The following LRRC4C variants were observed in gnomAD, a reference collection of about 807,000 sequenced individuals.
LRRC4C encodes the protein leucine rich repeat containing 4C, also known as leucine-rich repeat-containing protein 4C.
LRRC4C carries 5 observed loss-of-function variants against 33.6 expected under a neutral mutation model. That is an observed-to-expected ratio of 0.15 (90% CI 0.08 to 0.31). LRRC4C has a LOEUF of 0.31. Ranked by LOEUF, LRRC4C falls within the 10% of genes least tolerant of loss-of-function variation. The pLI, the probability that LRRC4C is intolerant of heterozygous loss-of-function variation, is 1.00. For synonymous variants in LRRC4C, 329 were observed against 302.0 expected (o/e 1.09, Z -0.93); for missense variants, 560 against 796.7 (o/e 0.70, Z 3.58).
chr11:40,750,276 A>G (rs778776221), intron 2 of LRRC4C, among the ~76,000 whole-genome samples: 6 of 152,110 alleles, frequency 3.9e-5, no homozygotes, highest in Non-Finnish European at 8.8e-5. Flanking sequence ...TCTACCAACT[A>G]TATAATGAAA....
At chr11:40,496,109 C>T (rs558239553) in intron 3 of LRRC4C, among the ~76,000 whole-genome samples, 7 of 152,086 alleles carry the variant, frequency 4.6e-5, no homozygotes, top group Non-Finnish European at 8.8e-5. Flanking sequence ...GGATTACAGT[C>T]ATGAGCCACC....
intron 2 of LRRC4C, among the ~76,000 whole-genome samples, chr11:40,826,857 T>C (rs1952188899): frequency 6.6e-6 from 1 of 151,944 alleles, no homozygotes; most frequent in South Asian, 2.1e-4. Context: ...GAACAAGAGT[T>C]TCAAGAGGAT....
At position 40,385,394 on chromosome 11, in the gene LRRC4C, G is replaced by C. The variant is rs1232389368; in HGVS notation, c.-269-65673C>G. Reference sequence around the variant, plus strand: ...TTTTGAGTTCTATCTATCTAACTATGTGATCCTAAACATATGTCAAATGAT... The same window carrying C: ...TTTTGAGTTCTATCTATCTAACTATCTGATCCTAAACATATGTCAAATGAT... On this transcript the variant is annotated intron_variant, in intron 3 of 6. Transcript: ENST00000528697. Among the ~76,000 whole-genome samples the C allele has an allele frequency of 3.9e-5, 6 of 152,178 alleles. No homozygotes were observed. The East Asian group carries it at 1.2e-3, about 29-fold the overall frequency.
At chr11:40,421,265 C>G (rs892027364) in intron 3 of LRRC4C, among the ~76,000 whole-genome samples, 1 of 152,210 alleles carries the variant, frequency 6.6e-6, no homozygotes, top group Admixed American at 6.5e-5. Context: ...AAATAGCTTT[C>G]TCTCCAGGAG....
chr11:40,116,646 A>C (rs2134597095), intron 6 of LRRC4C, among the ~76,000 whole-genome samples: 1 of 152,302 alleles, frequency 6.6e-6, no homozygotes, highest in South Asian at 2.1e-4. Context: ...TACATACCCT[A>C]CCATTAGCTT....
At chr11:40,271,942 T>C (rs1238673986) in intron 4 of LRRC4C, among the ~76,000 whole-genome samples, 4 of 152,170 alleles carry the variant, frequency 2.6e-5, no homozygotes, top group Non-Finnish European at 5.9e-5. Flanking sequence ...ATAATTCCAG[T>C]CATACTACCA....
At chr11:41,001,099 A>C (rs550579188) in intron 1 of LRRC4C, among the ~76,000 whole-genome samples, 1 of 152,274 alleles carries the variant, frequency 6.6e-6, no homozygotes, top group African/African-American at 2.4e-5. Flanking sequence ...CCTGGTACAA[A>C]GGAGGTGCCC....
At chr11:41,276,927 C>T (rs1458618172) in intron 1 of LRRC4C, among the ~76,000 whole-genome samples, 2 of 152,116 alleles carry the variant, frequency 1.3e-5, no homozygotes, top group East Asian at 1.9e-4. Context: ...TAGTTATAGC[C>T]AAGTGAAATC....
intron 2 of LRRC4C, among the ~76,000 whole-genome samples, chr11:40,713,459 T>A (rs1219568717): frequency 6.6e-6 from 1 of 152,184 alleles, no homozygotes; most frequent in Non-Finnish European, 1.5e-5. Flanking sequence ...TGCAGACTAA[T>A]ATGTCAGGAT....
chr11:41,300,557 G>A (rs1565560908), intron 1 of LRRC4C, among the ~76,000 whole-genome samples: 1 of 152,130 alleles, frequency 6.6e-6, no homozygotes, highest in Admixed American at 6.5e-5. Context: ...CAATCTTTAT[G>A]AACAATTCCT....
intron 1 of LRRC4C, among the ~76,000 whole-genome samples, chr11:41,030,815 CAT>C (rs1040614253): frequency 7.9e-5 from 12 of 151,632 alleles, no homozygotes; most frequent in South Asian, 6.3e-4. Context: ...CATACACACA[CAT>C]ATATATATAC....
At chr11:41,248,121 T>C (rs191257445) in intron 1 of LRRC4C, among the ~76,000 whole-genome samples, 232 of 152,342 alleles carry the variant, frequency 1.5e-3, no homozygotes, top group African/African-American at 5.5e-3. Flanking sequence ...TAAATAAGCT[T>C]ATCTTCTTTA....
intron 3 of LRRC4C, among the ~76,000 whole-genome samples, chr11:40,556,252 TA>T (rs1957328654): frequency 6.6e-6 from 1 of 152,222 alleles, no homozygotes. Context: ...GTATATCCTA[TA>T]GGGGGTCTCT....
chr11:40,380,865 C>A (rs573463665), intron 3 of LRRC4C, among the ~76,000 whole-genome samples: 2 of 152,260 alleles, frequency 1.3e-5, no homozygotes, highest in South Asian at 4.1e-4. Flanking sequence ...TGTGTTCACA[C>A]ACACATAATT....
At chr11:41,144,656 C>A (rs1435845880) in intron 1 of LRRC4C, among the ~76,000 whole-genome samples, 1 of 152,090 alleles carries the variant, frequency 6.6e-6, no homozygotes, top group Non-Finnish European at 1.5e-5. Context: ...ACATGGCCAT[C>A]TTTTCATATT....
intron 1 of LRRC4C, among the ~76,000 whole-genome samples, chr11:40,937,791 G>A (rs1469697715): frequency 6.6e-6 from 1 of 151,960 alleles, no homozygotes; most frequent in Non-Finnish European, 1.5e-5. Context: ...AGAGGCACAT[G>A]CCACCATGCC....
chr11:41,401,910 C>A (rs955183987), intron 1 of LRRC4C, among the ~76,000 whole-genome samples: 1 of 151,938 alleles, frequency 6.6e-6, no homozygotes, highest in African/African-American at 2.4e-5. Context: ...TAATTCATTT[C>A]TTGTTGATTA....
At chr11:40,966,609 A>C (rs1364209737) in intron 1 of LRRC4C, among the ~76,000 whole-genome samples, 1 of 151,908 alleles carries the variant, frequency 6.6e-6, no homozygotes, top group South Asian at 2.1e-4. Flanking sequence ...CACCACCTTC[A>C]TCTGTGCACA....
Position 41,204,718 on chromosome 11 carries a change from C to CCTTT in LRRC4C, c.-496+254709_-496+254712dup, listed in dbSNP as rs550004726. 6.2e-3 allele frequency among the ~76,000 whole-genome samples: 935 copies of CCTTT among 151,694 alleles called. 2 individuals carry two copies. The highest frequency in any genetic ancestry group is 0.01 in the Middle Eastern group (3 of 292). On this transcript the variant is annotated intron_variant, in intron 1 of 6. Coordinates refer to ENST00000528697, the MANE Select transcript of LRRC4C (RefSeq NM_001258419.2). ...TATGTTATCATTTTTTTCCTTTTTG[C>CCTTT]CTTTCTTTCTTTCTTTCTTCCAGTG...
Sources: gnomAD v4.1 joint callset for allele counts (sites outside exome capture counted in the v4.1 genomes callset) on GRCh38, gnomAD v4.1.1 for gene constraint, MANE v1.5 for transcripts, NCBI Gene and HGNC (gene_info 2026-07-23, HGNC 2026-07-21) for gene names.